Variants in LRRC20 observed in about 807,000 individuals in gnomAD.
LRRC20 encodes the protein leucine-rich repeat-containing protein 20.
Under a neutral mutation model 14.4 loss-of-function variants are expected in LRRC20, and 11 were observed. That is an observed-to-expected ratio of 0.77 (90% confidence interval 0.48 to 1.27). The LOEUF is 1.27. LRRC20 is among the 50% of genes most tolerant of loss of function. The pLI, the probability that LRRC20 is intolerant of heterozygous loss-of-function variation, is 0.00. For synonymous variants in LRRC20, 121 were observed against 107.3 expected (o/e 1.13, Z -0.79); for missense variants, 219 against 251.2 (o/e 0.87, Z 0.87).
At chr10:70,378,647 C>T (rs139442617) in intron 1 of LRRC20, among the ~76,000 whole-genome samples, 6,380 of 151,800 alleles carry the variant, frequency 0.042, 219 homozygotes, top group African/African-American at 0.098. Context: ...ATTAGCTGGG[C>T]GTGGTGGCGG....
chr10:70,339,856 C>T (rs1842848392), intron 3 of LRRC20, among the ~76,000 whole-genome samples: 1 of 152,150 alleles, frequency 6.6e-6, no homozygotes, highest in Non-Finnish European at 1.5e-5. Context: ...CATGGTGGCT[C>T]ATACCTGTAA....
At chr10:70,367,353 GAA>G (rs1564644773) in intron 2 of LRRC20, among the ~76,000 whole-genome samples, 3 of 138,442 alleles carry the variant, frequency 2.2e-5, no homozygotes, top group Admixed American at 7.3e-5. Context: ...AGAAAGAAAA[GAA>G]AAAGAAAAAG....
rs1843470660 is a variant in LRRC20, at chr10:70,355,084, C to G, written c.83-14382G>C. On this transcript the variant is annotated intron_variant, in intron 2 of 4. Coordinates refer to ENST00000446961, the MANE Select transcript of LRRC20 (RefSeq NM_001278212.2). The stretch of plus-strand genomic sequence containing the variant: ...GACAGCCCTCTGTCAAACAGGAGCC[C>G]CCCATGACTTGAGCTGCCAGTCTCT... 2.0e-5 allele frequency among the ~76,000 whole-genome samples: 3 copies of G among 152,290 alleles called. No individual in the cohort carries two copies. In the South Asian group the frequency reaches 6.2e-4, roughly 32 times the overall value.
intron 2 of LRRC20, among the ~76,000 whole-genome samples, chr10:70,355,821 C>G (rs1843496899): frequency 6.6e-6 from 1 of 152,142 alleles, no homozygotes; most frequent in Non-Finnish European, 1.5e-5. Flanking sequence ...TAAAGTCCTG[C>G]CAGGGCAAAG....
intron 2 of LRRC20, among the ~76,000 whole-genome samples, chr10:70,342,223 T>A (rs1842942470): frequency 6.6e-6 from 1 of 151,772 alleles, no homozygotes; most frequent in South Asian, 2.1e-4. Flanking sequence ...GTCATGAGAA[T>A]CGCTTCAACC....
chr10:70,374,286 C>A (rs866075244), intron 2 of LRRC20, among the ~76,000 whole-genome samples: 7 of 152,122 alleles, frequency 4.6e-5, no homozygotes, highest in African/African-American at 7.2e-5. Context: ...CCCTCCCCTG[C>A]GGCCTCTCCA....
At chr10:70,354,254 G>A (rs1332763512) in intron 2 of LRRC20, among the ~76,000 whole-genome samples, 3 of 152,012 alleles carry the variant, frequency 2.0e-5, no homozygotes, top group East Asian at 1.9e-4. Context: ...TGACTCTAAC[G>A]TGCAGCCAGG....
chr10:70,322,931 A>G (rs1025330755), intron 4 of LRRC20, among the ~76,000 whole-genome samples: 1 of 151,196 alleles, frequency 6.6e-6, no homozygotes, highest in Non-Finnish European at 1.5e-5. Flanking sequence ...GCCATTCCCC[A>G]TCAGATGGGC....
intron 4 of LRRC20, among the ~76,000 whole-genome samples, chr10:70,305,220 C>A (rs10823515): frequency 0.22 from 34,077 of 152,036 alleles, 3,968 homozygotes; most frequent in East Asian, 0.33. Context: ...AACTTCAGAC[C>A]CATGTCATAA....
rs759551390 is a variant in LRRC20 at position 70,301,011 on chromosome 10, G to A, written c.*343C>T. On this transcript the variant is annotated 3_prime_UTR_variant, in exon 5 of 5. Transcript: ENST00000446961. ...CTGCTGATCTGGAGGTAACTTGGAG[G>A]CACGTACTGCTTAAAAACCTCCAGG... is the stretch of plus-strand genomic sequence containing the variant. The A allele has an allele frequency of 1.1e-4, 121 of 1,061,552 alleles. No homozygotes were observed. The highest frequency in any genetic ancestry group is 1.3e-4 in the Non-Finnish European group (118 of 879,638). 65.8% of individuals were successfully genotyped at this position (1,061,552 alleles called of 1,614,324 possible). A position where few individuals can be genotyped will look rare whatever the true frequency, so the allele number is the denominator to read the frequency against.
At chr10:70,377,746 G>A (rs769766276) in intron 1 of LRRC20, among the ~76,000 whole-genome samples, 1 of 152,216 alleles carries the variant, frequency 6.6e-6, no homozygotes, top group Non-Finnish European at 1.5e-5. Flanking sequence ...GTGGTCAACT[G>A]GACAAGCAGG....
intron 1 of LRRC20, among the ~76,000 whole-genome samples, chr10:70,382,332 G>C (rs768464455): frequency 6.6e-6 from 1 of 152,222 alleles, no homozygotes; most frequent in African/African-American, 2.4e-5. Context: ...GCAAGAGCCC[G>C]CGCATGCCGA....
chr10:70,326,000 A>G (rs1842303955), intron 3 of LRRC20, among the ~76,000 whole-genome samples: 1 of 152,190 alleles, frequency 6.6e-6, no homozygotes, highest in African/African-American at 2.4e-5. Context: ...CTCAATTTTG[A>G]TCTTTCCTTA....
chr10:70,301,055 G>C lies in LRRC20; in HGVS notation c.*299C>G. 1 of 1,171,726 alleles carries C rather than the reference G, an allele frequency of 8.5e-7. No homozygotes were observed. Among genetic ancestry groups the C allele is most frequent in the Non-Finnish European group, 1.1e-6 (1 of 948,554 alleles). The allele number at this position is 1,171,726 out of a possible 1,614,324, so 72.6% of individuals were successfully genotyped here. Reference sequence around the variant, plus strand: ...CTCCAGGGAGCCCAAAGGAGGGAAAGGGTCCTGTTTTTTTCAAGTGACAAG... The same window carrying C: ...CTCCAGGGAGCCCAAAGGAGGGAAACGGTCCTGTTTTTTTCAAGTGACAAG... On this transcript the variant is annotated 3_prime_UTR_variant, in exon 5 of 5. Transcript: ENST00000446961.
chr10:70,304,483 T>TATATATATATATATATATATATAC (rs1564607856), intron 4 of LRRC20, among the ~76,000 whole-genome samples: 5 of 67,446 alleles, frequency 7.4e-5, no homozygotes, highest in Non-Finnish European at 1.4e-4. Context: ...TATATATATA[T>TATATATATATATATATATATATAC]ATATATATAT....
chr10:70,336,740 G>T (rs115040549), intron 3 of LRRC20, among the ~76,000 whole-genome samples: 2,367 of 152,302 alleles, frequency 0.016, 54 homozygotes, highest in African/African-American at 0.053. Context: ...CTCCTTCACT[G>T]TAGCAAGCTC....
rs192830068 is a variant in LRRC20 at position 70,354,771 on chromosome 10, G to C, written c.83-14069C>G. ...CCTCTGAGCAGACTATTTCAGGACA[G>C]AGCAGCAGAGACAGAGTCTCTTCAC... On this transcript the variant is annotated intron_variant, in intron 2 of 4. Transcript: ENST00000446961. Among the ~76,000 whole-genome samples the C allele has an allele frequency of 2.0e-3, 300 of 152,328 alleles. 4 individuals carry two copies. The South Asian group carries it at 0.054, about 27-fold the overall frequency.
chr10:70,335,755 C>A (rs1183034954), intron 3 of LRRC20, among the ~76,000 whole-genome samples: 2 of 152,242 alleles, frequency 1.3e-5, no homozygotes, highest in Non-Finnish European at 2.9e-5. Flanking sequence ...CTGTAACACT[C>A]AGTCTTCTAC....
chr10:70,340,642 A>G lies in LRRC20; in HGVS notation c.143T>C (p.Val48Ala). ...GGTGATGAGGTGGATCTGGCCAGAG[A>G]CATTCCGCAGGACCTTGTAGATGCC... ...PIGIYKVLRN[V>A]SGQIHLITLA... Residue 48 changes from valine to alanine, a missense_variant, in exon 3 of 5, where the codon GTC (valine) becomes GCC (alanine). Transcript: ENST00000446961. 6.2e-7 allele frequency: 1 copy of G among 1,614,196 alleles called. No individual in the cohort carries two copies. Among genetic ancestry groups the G allele is most frequent in the Non-Finnish European group, 8.5e-7 (1 of 1,180,036 alleles).
Sources: allele counts gnomAD v4.1 joint callset (sites outside exome capture counted in the v4.1 genomes callset), GRCh38; gene constraint gnomAD v4.1.1; transcripts MANE v1.5; gene names NCBI Gene and HGNC (gene_info 2026-07-23, HGNC 2026-07-21).